LAMC2: variants seen among roughly 807,000 people sequenced by gnomAD.
The protein encoded by LAMC2 is laminin subunit gamma 2, also known as laminin subunit gamma-2.
Under a neutral mutation model 140.2 loss-of-function variants are expected in LAMC2, and 97 were observed. The observed-to-expected ratio is 0.69, with a 90% confidence interval of 0.59 to 0.82. LAMC2 has a LOEUF of 0.82. LAMC2 is among the 40% of genes least tolerant of loss of function. The pLI is 0.00. For missense variants in LAMC2, 1,402 were observed against 1,476.1 expected (o/e 0.95, Z 0.82); for synonymous variants, 513 against 540.2 (o/e 0.95, Z 0.70).
At position 183,244,974 on chromosome 1, in the gene LAMC2, A is replaced by C. The variant is rs1332603567; in HGVS notation, c.*1574A>C. On this transcript the variant is annotated 3_prime_UTR_variant, in exon 23 of 23. Coordinates refer to ENST00000264144, the MANE Select transcript of LAMC2 (RefSeq NM_005562.3). ...CCAAAGTAATGGAAATGAAAATGCC[A>C]CAGAAATGGCAATAGGTCCTAGAGT... 1 of 152,234 alleles carries C rather than the reference A, an allele frequency of 6.6e-6. No homozygotes were observed. The highest frequency in any genetic ancestry group is 1.5e-5 in the Non-Finnish European group (1 of 68,044). 9.4% of individuals were successfully genotyped at this position (152,234 alleles called of 1,614,324 possible). A position where few individuals can be genotyped will look rare whatever the true frequency, so the allele number is the denominator to read the frequency against.
At position 183,228,441 on chromosome 1, in the gene LAMC2, G is replaced by A; in HGVS notation, c.1536G>A (p.Arg512=). The change falls in exon 11 of 23, where the codon AGG becomes AGA. Residue 512 remains arginine (R), a synonymous_variant. Transcript: ENST00000264144. This position sits in a 1 kb window ranked among gnomAD's most constrained non-coding sequence, Gnocchi z 4.3. ...GDPFGEHGPV[R]PCQPCQCNNN... ...CCTTTGGTGAACATGGCCCAGTGAG[G>A]CCTTGTCAGCCCTGTCAATGCAACA... The A allele has an allele frequency of 6.2e-7, 1 of 1,614,038 alleles. No individual in the cohort carries two copies. The highest frequency in any genetic ancestry group is 8.5e-7 in the Non-Finnish European group (1 of 1,180,014).
intron 2 of LAMC2, among the ~76,000 whole-genome samples, chr1:183,210,984 T>C (rs907385405): frequency 6.6e-6 from 1 of 152,222 alleles, no homozygotes; most frequent in Non-Finnish European, 1.5e-5. Flanking sequence ...TTTCAGATAA[T>C]AACTTGACAG....
chr1:183,191,465 C>T (rs1221094186), intron 1 of LAMC2, among the ~76,000 whole-genome samples: 1 of 150,840 alleles, frequency 6.6e-6, no homozygotes, highest in Non-Finnish European at 1.5e-5. Context: ...CCCATTTAAC[C>T]CACTTAAGTT....
chr1:183,236,391 A>G, intron 16 of LAMC2, 69 bp from the exon 17 acceptor site: 1 of 310,910 alleles, frequency 3.2e-6, no homozygotes, highest in South Asian at 7.1e-5. Flanking sequence ...CCTGTCTCAA[A>G]AAAAAAAAAA....
rs1659840642 is a variant in LAMC2 at position 183,232,789 on chromosome 1, G to A, written c.2152G>A (p.Asp718Asn). The A allele has an allele frequency of 2.5e-6, 4 of 1,614,040 alleles. No homozygotes were observed. The highest frequency in any genetic ancestry group is 3.3e-5 in the Admixed American group (2 of 60,012). The change falls in exon 14 of 23, where the codon GAT becomes AAT. Residue 718 changes from aspartate (D) to asparagine (N), a missense_variant. Around this residue, in one of 3 missense-constraint regions of LAMC2, gnomAD observed 670 missense variants for 667.2 expected, o/e 1.00. Coordinates refer to ENST00000264144, the MANE Select transcript of LAMC2 (RefSeq NM_005562.3). ...LGSQYQNRVR[D>N]THRLITQMQL... is the part of the protein sequence containing the mutation. ...AAGTCAGTACCAGAACCGAGTTCGGGATACTCACAGGCTCATCACTCAGAT... is the reference window on the plus strand; with the variant it reads ...AAGTCAGTACCAGAACCGAGTTCGGAATACTCACAGGCTCATCACTCAGAT...
rs1259930677 is a variant in LAMC2, at chr1:183,239,613, G to C, written c.3069+50G>C. On this transcript the variant is annotated intron_variant, in intron 20 of 22. Coordinates refer to ENST00000264144, the MANE Select transcript of LAMC2 (RefSeq NM_005562.3). Reference sequence around the variant, plus strand: ...TGGTGCCAGTAGCACCAAACACAAGGGTGGTGTGGAGGGAAAAAGAACATT... The same window carrying C: ...TGGTGCCAGTAGCACCAAACACAAGCGTGGTGTGGAGGGAAAAAGAACATT... 2.0e-6 allele frequency: 3 copies of C among 1,500,836 alleles called. No individual in the cohort carries two copies. The South Asian group carries it at 3.5e-5, about 18-fold the overall frequency. 93.0% of individuals were successfully genotyped at this position (1,500,836 alleles called of 1,614,324 possible). A position where few individuals can be genotyped will look rare whatever the true frequency, so the allele number is the denominator to read the frequency against.
chr1:183,198,662 G>A (rs980117711), intron 1 of LAMC2, among the ~76,000 whole-genome samples: 9 of 152,070 alleles, frequency 5.9e-5, no homozygotes. Context: ...CCACACAGCC[G>A]CCAAGTACAC....
chr1:183,234,292 T>TG, intron 14 of LAMC2, 75 bp from the exon 15 acceptor site: 1 of 1,088,032 alleles, frequency 9.2e-7, no homozygotes, highest in South Asian at 1.3e-5. Context: ...ACAGGACAGA[T>TG]GCACCTGCTT....
Position 183,228,558 on chromosome 1 carries a change from C to T in LAMC2, c.1653C>T (p.Asp551=). Reference sequence around the variant, plus strand: ...ACAACACAGCCGGCATCTACTGCGACCAGTGCAAAGCAGGCTACTTCGGGG... The same window carrying T: ...ACAACACAGCCGGCATCTACTGCGATCAGTGCAAAGCAGGCTACTTCGGGG... ...CIHNTAGIYC[D]QCKAGYFGDP... is the part of the protein sequence containing the mutation. The change falls in exon 11 of 23, where the codon GAC becomes GAT. Residue 551 remains aspartate (D), a synonymous_variant. Transcript: ENST00000264144. This position sits in a 1 kb window ranked among gnomAD's most constrained non-coding sequence, Gnocchi z 4.3. 1 of 1,613,988 alleles carries T rather than the reference C, an allele frequency of 6.2e-7. No individual in the cohort carries two copies. Among genetic ancestry groups the T allele is most frequent in the South Asian group, 1.1e-5 (1 of 91,050 alleles).
chr1:183,189,243 C>T (rs995020133), intron 1 of LAMC2, among the ~76,000 whole-genome samples: 1 of 152,070 alleles, frequency 6.6e-6, no homozygotes, highest in East Asian at 1.9e-4. Flanking sequence ...GGATCCAAGG[C>T]TTTAGGTTTG....
intron 2 of LAMC2, among the ~76,000 whole-genome samples, chr1:183,209,415 G>C (rs1571513250): frequency 6.6e-6 from 1 of 152,262 alleles, no homozygotes; most frequent in South Asian, 2.1e-4. Flanking sequence ...GGGTGACCCT[G>C]TGGTGAGATA....
At position 183,186,361 on chromosome 1, in the gene LAMC2, G is replaced by C; in HGVS notation, c.9G>C (p.Ala3=). ...AGCGGCCCGGCCCCGCCATGCCTGC[G>C]CTCTGGCTGGGCTGCTGCCTCTGCT... MP[A]LWLGCCLCFS... Residue 3 remains alanine, a synonymous_variant, in exon 1 of 23, where the codon GCG becomes GCC. Transcript: ENST00000264144. The C allele has an allele frequency of 6.2e-7, 1 of 1,601,928 alleles. No individual in the cohort carries two copies. The highest frequency in any genetic ancestry group is 1.3e-5 in the African/African-American group (1 of 75,010).
At position 183,225,552 on chromosome 1, in the gene LAMC2, A is replaced by G. The variant is rs966732278; in HGVS notation, c.954-56A>G. 50 of 1,165,868 alleles carry G rather than the reference A, an allele frequency of 4.3e-5. No individual in the cohort carries two copies. The Admixed American group carries it at 8.1e-4, about 19-fold the overall frequency. The allele number at this position is 1,165,868 out of a possible 1,614,324, so 72.2% of individuals were successfully genotyped here. On this transcript the variant is annotated intron_variant, in intron 7 of 22. Transcript: ENST00000264144. ...CGTATCCTCAGGCATAATTTATAAC[A>G]GGTAGGTATGTGGTAAGAATCGGAT...
At chr1:183,217,701 C>A (rs1659319586) in intron 3 of LAMC2, among the ~76,000 whole-genome samples, 1 of 152,128 alleles carries the variant, frequency 6.6e-6, no homozygotes, top group African/African-American at 2.4e-5. Context: ...TCTGGAGAGA[C>A]AGAAAGTAGA....
At chr1:183,235,810 A>G in intron 16 of LAMC2, 80 bp downstream of exon 16, 1 of 1,431,028 alleles carries the variant, frequency 7.0e-7, no homozygotes, top group Non-Finnish European at 9.8e-7. Flanking sequence ...CTTGAGGGGC[A>G]CCATGCTAGT....
chr1:183,238,297 CT>C lies in LAMC2; in HGVS notation c.2755-5del. On this transcript the variant is annotated splice_polypyrimidine_tract_variant and intron_variant, in intron 18 of 22. Coordinates refer to ENST00000264144, the MANE Select transcript of LAMC2 (RefSeq NM_005562.3). ...CTTCCTCTAATCTTGTTCTATCTGC[CT>C]TTTTACAGAAATCAGATCAGCTGCT... The C allele has an allele frequency of 6.2e-7, 1 of 1,605,100 alleles. No individual in the cohort carries two copies. Among genetic ancestry groups the C allele is most frequent in the Non-Finnish European group, 8.5e-7 (1 of 1,171,952 alleles).
At position 183,239,450 on chromosome 1, in the gene LAMC2, GCCAGTGACAAGAC is replaced by G; in HGVS notation, c.2961_2973del (p.Asp988LysfsTer37). The G allele has an allele frequency of 6.2e-7, 1 of 1,614,206 alleles. No individual in the cohort carries two copies. On this transcript the variant is annotated frameshift_variant, in exon 20 of 23. Transcript: ENST00000264144. LOFTEE classifies it high-confidence loss of function. The stretch of plus-strand genomic sequence containing the variant: ...CTACATCAGCCAGAAGGTTTCAGAT[GCCAGTGACAAGAC>G]CCAGCAAGCAGAAAGAGCCCTGGGG...
intron 7 of LAMC2, among the ~76,000 whole-genome samples, chr1:183,224,231 G>A (rs1255019958): frequency 2.0e-5 from 3 of 152,142 alleles, no homozygotes; most frequent in South Asian, 2.1e-4. Flanking sequence ...ACCTTCACAT[G>A]TGAATATATG....
At position 183,232,833 on chromosome 1, in the gene LAMC2, A is replaced by G. The variant is rs1571535449; in HGVS notation, c.2196A>G (p.Glu732=). The part of the protein sequence containing the change: ...LITQMQLSLA[E]SEASLGNTNI... ...CTCAGATGCAGCTGAGCCTGGCAGA[A>G]AGTGAAGCTTCCTTGGGAAACACTG... Residue 732 remains glutamate (E), a synonymous_variant, in exon 14 of 23, where the codon GAA becomes GAG. Coordinates refer to ENST00000264144, the MANE Select transcript of LAMC2 (RefSeq NM_005562.3). 2 of 1,614,098 alleles carry G rather than the reference A, an allele frequency of 1.2e-6. No homozygotes were observed. The highest frequency in any genetic ancestry group is 1.7e-6 in the Non-Finnish European group (2 of 1,179,968).
Sources: gnomAD v4.1 joint callset for allele counts (sites outside exome capture counted in the v4.1 genomes callset) on GRCh38, gnomAD v4.1.1 for gene constraint, gnomAD v4.1.1 regional missense constraint, Gnocchi (gnomAD v3.1) non-coding constraint, MANE v1.5 for transcripts, NCBI Gene and HGNC (gene_info 2026-07-23, HGNC 2026-07-21) for gene names.